Variants in NEK11 observed in about 807,000 individuals in gnomAD.
NEK11 encodes the protein serine/threonine-protein kinase Nek11.
In NEK11, 72 loss-of-function variants were observed where a neutral mutation model predicts 80.7. That is an observed-to-expected ratio of 0.89 (90% CI 0.74 to 1.08). The LOEUF (loss-of-function observed/expected upper bound fraction) is 1.08. Among genes scored for constraint, NEK11 ranks in the 50% least tolerant of loss-of-function variants. The probability of loss-of-function intolerance (pLI) is 0.00; values close to 1 mark genes in which losing one functional copy is unlikely to be tolerated. For synonymous variants in NEK11, 251 were observed against 260.7 expected (o/e 0.96, Z 0.36); for missense variants, 764 against 763.6 (o/e 1.00, Z -0.01).
At chr3:131,288,650 C>T (rs2096506497) in intron 17 of NEK11, among the ~76,000 whole-genome samples, 1 of 151,868 alleles carries the variant, frequency 6.6e-6, no homozygotes, top group Non-Finnish European at 1.5e-5. Flanking sequence ...TGGGGTTTCT[C>T]CATGTAGGTC....
intron 7 of NEK11, among the ~76,000 whole-genome samples, chr3:131,149,661 A>G (rs1257094139): frequency 2.0e-5 from 3 of 152,040 alleles, no homozygotes; most frequent in African/African-American, 7.2e-5. Flanking sequence ...ATTGGAAAAA[A>G]CATGTTTATA....
chr3:131,327,922 T>C (rs2096998936), intron 17 of NEK11, among the ~76,000 whole-genome samples: 1 of 151,700 alleles, frequency 6.6e-6, no homozygotes, highest in South Asian at 2.1e-4. Context: ...TTGTTTAATA[T>C]GAGGTCTGTG....
chr3:131,229,573 A>C (rs777471479), intron 15 of NEK11, among the ~76,000 whole-genome samples: 2 of 152,154 alleles, frequency 1.3e-5, no homozygotes, highest in African/African-American at 2.4e-5. Flanking sequence ...CCAAAAATCC[A>C]TTCAACCATT....
At chr3:131,129,854 G>C (rs2084105817) in intron 5 of NEK11, among the ~76,000 whole-genome samples, 1 of 151,970 alleles carries the variant, frequency 6.6e-6, no homozygotes, top group Non-Finnish European at 1.5e-5. Context: ...AGAAAGTCTT[G>C]ACATCAGGTA....
At chr3:131,110,225 A>C (rs1309897559) in intron 5 of NEK11, among the ~76,000 whole-genome samples, 1 of 152,146 alleles carries the variant, frequency 6.6e-6, no homozygotes, top group Non-Finnish European at 1.5e-5. Flanking sequence ...AAGTTCTCAG[A>C]AACCTTTGGC....
chr3:131,032,962 T>A (rs2065094256), intron 3 of NEK11, among the ~76,000 whole-genome samples: 1 of 152,218 alleles, frequency 6.6e-6, no homozygotes, highest in Admixed American at 6.5e-5. Context: ...CTGGATTACT[T>A]TTAAATGAGA....
At chr3:131,113,931 G>T (rs544836969) in intron 5 of NEK11, among the ~76,000 whole-genome samples, 1 of 146,306 alleles carries the variant, frequency 6.8e-6, no homozygotes, top group Non-Finnish European at 1.5e-5. Context: ...AAAAAAAAAG[G>T]CAATCTTGCT....
At chr3:131,331,049 G>A (rs574636932) in intron 17 of NEK11, among the ~76,000 whole-genome samples, 2 of 152,192 alleles carry the variant, frequency 1.3e-5, no homozygotes, top group East Asian at 1.9e-4. Flanking sequence ...CTTCTTACAG[G>A]TCCCACCTCT....
chr3:131,253,170 C>T (rs371917059), intron 16 of NEK11, among the ~76,000 whole-genome samples: 2 of 152,114 alleles, frequency 1.3e-5, no homozygotes, highest in African/African-American at 4.8e-5. Context: ...TGGTCCTTGT[C>T]ATGAGGTGGG....
rs374268663 is a variant in NEK11 at position 131,349,691 on chromosome 3, G to A, written c.1853G>A (p.Cys618Tyr). 2.5e-6 allele frequency: 4 copies of A among 1,614,006 alleles called. No homozygotes were observed. Among genetic ancestry groups the A allele is most frequent in the Non-Finnish European group, 3.4e-6 (4 of 1,179,954 alleles). The change falls in exon 18 of 18, where the codon TGT becomes TAT. Residue 618 changes from cysteine (C) to tyrosine (Y), a missense_variant. Coordinates refer to ENST00000383366, the MANE Select transcript of NEK11 (RefSeq NM_024800.5). ...LEKVVPQASD[C>Y]FEVDQLLYFE... ...AAAGTGGTGCCTCAAGCCAGCGACT[G>A]TTTTGAAGTGGACCAGCTCCTGTAC...
At chr3:131,087,320 T>C (rs746673505) in intron 4 of NEK11, among the ~76,000 whole-genome samples, 11 of 143,218 alleles carry the variant, frequency 7.7e-5, no homozygotes, top group South Asian at 2.3e-4. Context: ...CTCAGCTCAC[T>C]GCAACCTCTG....
intron 3 of NEK11, among the ~76,000 whole-genome samples, chr3:131,057,787 A>T (rs2069884997): frequency 6.6e-6 from 1 of 151,512 alleles, no homozygotes; most frequent in African/African-American, 2.4e-5. Flanking sequence ...TCTGGATATT[A>T]GCCCTTTGTC....
At chr3:131,116,856 T>A (rs142812781) in intron 5 of NEK11, among the ~76,000 whole-genome samples, 5 of 152,284 alleles carry the variant, frequency 3.3e-5, no homozygotes, top group Admixed American at 1.3e-4. Context: ...GTTTAAGTTC[T>A]TTGTAGATTC....
At chr3:131,047,834 A>G (rs1422847675) in intron 3 of NEK11, among the ~76,000 whole-genome samples, 2 of 152,206 alleles carry the variant, frequency 1.3e-5, no homozygotes, top group Non-Finnish European at 2.9e-5. Flanking sequence ...GGGACCATAG[A>G]GCTCCCAGGA....
At chr3:131,277,647 G>C (rs1382249407) in intron 17 of NEK11, among the ~76,000 whole-genome samples, 1 of 152,168 alleles carries the variant, frequency 6.6e-6, no homozygotes, top group African/African-American at 2.4e-5. Flanking sequence ...GGGGGCCCTG[G>C]GGCTTTGTAA....
chr3:131,304,398 C>T (rs1016899495), intron 17 of NEK11, among the ~76,000 whole-genome samples: 4 of 152,126 alleles, frequency 2.6e-5, no homozygotes, highest in Non-Finnish European at 4.4e-5. Flanking sequence ...CTGAATTCTA[C>T]GTCTGTCATT....
At position 131,160,528 on chromosome 3, in the gene NEK11, C is replaced by G. The variant is rs541090030; in HGVS notation, c.963-1880C>G. On this transcript the variant is annotated intron_variant, in intron 10 of 17. Transcript: ENST00000383366. The stretch of plus-strand genomic sequence containing the variant: ...CTATAGAGCAACCATACAAACAAGT[C>G]TGCATAATAACCAGATAACATCATG... Among the ~76,000 whole-genome samples, 16 of 152,314 alleles carry G rather than the reference C, an allele frequency of 1.1e-4. No individual in the cohort carries two copies. The South Asian group carries it at 2.5e-3, about 24-fold the overall frequency.
chr3:131,113,473 G>A (rs1394392095), intron 5 of NEK11, among the ~76,000 whole-genome samples: 1 of 152,158 alleles, frequency 6.6e-6, no homozygotes, highest in African/African-American at 2.4e-5. Context: ...GGAAGAGTGA[G>A]AAGGAGAAGC....
At chr3:131,206,791 A>G (rs1050224470) in intron 14 of NEK11, among the ~76,000 whole-genome samples, 1 of 152,044 alleles carries the variant, frequency 6.6e-6, no homozygotes, top group Non-Finnish European at 1.5e-5. Flanking sequence ...CCATTAAGTC[A>G]TCATTTATAT....
Sources: gnomAD v4.1 joint callset for allele counts (sites outside exome capture counted in the v4.1 genomes callset) on GRCh38, gnomAD v4.1.1 for gene constraint, MANE v1.5 for transcripts, NCBI Gene and HGNC (gene_info 2026-07-23, HGNC 2026-07-21) for gene names.